Variants in RUNX1 observed in about 807,000 individuals in gnomAD.
RUNX1 encodes RUNX family transcription factor 1.
In RUNX1, 19 loss-of-function variants were observed where a neutral mutation model predicts 42.8. That is an observed-to-expected ratio of 0.44 (90% confidence interval 0.31 to 0.65). The LOEUF (loss-of-function observed/expected upper bound fraction) is 0.65, where lower values mean the gene tolerates loss of function less well. Among genes scored for constraint, RUNX1 ranks in the 30% least tolerant of loss-of-function variants. The pLI is 0.07. For synonymous variants in RUNX1, 271 were observed against 289.4 expected (o/e 0.94, Z 0.64); for missense variants, 528 against 672.0 (o/e 0.79, Z 2.37).
chr21:35,030,169 A>G (rs2059263195), intron 2 of RUNX1, among the ~76,000 whole-genome samples: 1 of 152,066 alleles, frequency 6.6e-6, no homozygotes, highest in Non-Finnish European at 1.5e-5. Flanking sequence ...CGGTGAAACC[A>G]TGTCTCTACT....
chr21:34,803,520 C>G (rs950896890), intron 7 of RUNX1, among the ~76,000 whole-genome samples: 1 of 151,378 alleles, frequency 6.6e-6, no homozygotes, highest in African/African-American at 2.4e-5. Context: ...GCACTCCAGC[C>G]TAGGTGACAG....
intron 5 of RUNX1, among the ~76,000 whole-genome samples, chr21:34,869,295 A>G (rs1323718534): frequency 6.6e-6 from 1 of 152,176 alleles, no homozygotes; most frequent in East Asian, 1.9e-4. Context: ...TCATCCTAAC[A>G]TAGATGATAT....
chr21:35,017,025 CA>C (rs1434271251), intron 2 of RUNX1, among the ~76,000 whole-genome samples: 1 of 138,312 alleles, frequency 7.2e-6, no homozygotes, highest in Non-Finnish European at 1.6e-5. Flanking sequence ...GGAAAAGAGG[CA>C]AAAATGGGAG....
intron 3 of RUNX1, chr21:34,887,470 C>G: frequency 7.9e-7 from 1 of 1,259,022 alleles, no homozygotes; most frequent in East Asian, 3.3e-5. Context: ...TTCTCATACA[C>G]TTCCTAAAAT....
intron 2 of RUNX1, among the ~76,000 whole-genome samples, chr21:34,998,158 T>C (rs1196865244): frequency 1.3e-5 from 2 of 152,192 alleles, no homozygotes; most frequent in Non-Finnish European, 2.9e-5. Context: ...CCTGTCAATA[T>C]TAATATCTTT....
chr21:34,887,084 C>A lies in RUNX1; in HGVS notation c.110G>T (p.Ser37Ile), dbSNP rs532264127. 1.9e-6 allele frequency: 3 copies of A among 1,598,344 alleles called. No individual in the cohort carries two copies. The Admixed American group carries it at 5.0e-5, about 27-fold the overall frequency. Reference sequence around the variant, plus strand: ...GGTGGAAGGCGGCGTGAAGCGGCGGCTCGTGCTGGCATCTACGGGGATACG... The same window carrying A: ...GGTGGAAGGCGGCGTGAAGCGGCGGATCGTGCTGGCATCTACGGGGATACG... ...PSRDVHDASTSRRFTPPSTAL... is the reference protein window; with the variant it reads ...PSRDVHDASTIRRFTPPSTAL... Residue 37 changes from serine to isoleucine, a missense_variant, in exon 4 of 9, where the codon AGC becomes ATC. Transcript: ENST00000675419.
intron 7 of RUNX1, chr21:34,833,558 C>G (rs540281279): frequency 2.0e-5 from 3 of 153,022 alleles, no homozygotes; most frequent in African/African-American, 7.2e-5. Flanking sequence ...GCTACCACAT[C>G]GATTGCTGGC....
intron 6 of RUNX1, among the ~76,000 whole-genome samples, chr21:34,849,358 AATATAT>A (rs2057373202): frequency 2.4e-5 from 1 of 41,554 alleles, no homozygotes; most frequent in Non-Finnish European, 4.5e-5. Flanking sequence ...TAGTATATAT[AATATAT>A]TATATATACT....
intron 6 of RUNX1, among the ~76,000 whole-genome samples, chr21:34,851,952 A>C (rs1395162342): frequency 6.6e-6 from 1 of 152,182 alleles, no homozygotes; most frequent in Non-Finnish European, 1.5e-5. Context: ...GGATCAGCTG[A>C]GGTCAGGAGA....
chr21:34,867,004 C>T (rs1455069850), intron 5 of RUNX1, among the ~76,000 whole-genome samples: 1 of 152,180 alleles, frequency 6.6e-6, no homozygotes, highest in Non-Finnish European at 1.5e-5. Context: ...ACATGCAAAG[C>T]ATTTTCTCTG....
At chr21:34,936,468 C>T (rs1180920660) in intron 2 of RUNX1, among the ~76,000 whole-genome samples, 2 of 152,338 alleles carry the variant, frequency 1.3e-5, no homozygotes, top group East Asian at 3.9e-4. Context: ...AACCCATCTC[C>T]TGTGTAACAG....
At chr21:34,860,875 G>T (rs2057564487) in intron 5 of RUNX1, among the ~76,000 whole-genome samples, 1 of 152,268 alleles carries the variant, frequency 6.6e-6, no homozygotes, top group South Asian at 2.1e-4. Flanking sequence ...CTAATCGTGA[G>T]AAATCTCCAC....
intron 6 of RUNX1, among the ~76,000 whole-genome samples, chr21:34,835,323 GA>G (rs2057129826): frequency 6.6e-6 from 1 of 152,190 alleles, no homozygotes; most frequent in Non-Finnish European, 1.5e-5. Context: ...ATTCCCAGCA[GA>G]ATAGGCCCAC....
chr21:34,955,556 A>C (rs534732837), intron 2 of RUNX1, among the ~76,000 whole-genome samples: 29 of 152,306 alleles, frequency 1.9e-4, no homozygotes, highest in African/African-American at 7.0e-4. Context: ...ATTTGACTTA[A>C]ACGGAAGACT....
intron 6 of RUNX1, among the ~76,000 whole-genome samples, chr21:34,839,359 A>G (rs949879048): frequency 3.3e-5 from 5 of 150,188 alleles, no homozygotes; most frequent in African/African-American, 9.9e-5. Context: ...ACCGACACAC[A>G]CACTCGGGAT....
chr21:35,001,148 T>A (rs1276990019), intron 2 of RUNX1, among the ~76,000 whole-genome samples: 1 of 152,136 alleles, frequency 6.6e-6, no homozygotes, highest in Non-Finnish European at 1.5e-5. Flanking sequence ...ACCGTCTCTA[T>A]AATTTTTTTT....
chr21:34,862,946 C>A (rs1030245643), intron 5 of RUNX1, among the ~76,000 whole-genome samples: 1 of 152,164 alleles, frequency 6.6e-6, no homozygotes, highest in Non-Finnish European at 1.5e-5. Flanking sequence ...ACGCTATCCA[C>A]GACTACCCAA....
rs762642960 is a variant in RUNX1 at position 34,799,322 on chromosome 21, C to G, written c.946G>C (p.Glu316Gln). Residue 316 changes from glutamate (E) to glutamine (Q), a missense_variant, in exon 8 of 9, where the codon GAA (glutamate) becomes CAA (glutamine). Around this residue, in one of 3 missense-constraint regions of RUNX1, gnomAD observed 331 missense variants for 382.5 expected, o/e 0.87. Transcript: ENST00000675419. Reference sequence around the variant, plus strand: ...TTACTTGAGAGTCGACTGGAAAGTTCTGCAGAGAGGGTTGTCATGCCGCTG... The same window carrying G: ...TTACTTGAGAGTCGACTGGAAAGTTGTGCAGAGAGGGTTGTCATGCCGCTG... ...RASGMTTLSA[E>Q]LSSRLSTAPD... is the part of the protein sequence containing the mutation. 6.2e-7 allele frequency: 1 copy of G among 1,613,918 alleles called. No individual in the cohort carries two copies. The highest frequency in any genetic ancestry group is 8.5e-7 in the Non-Finnish European group (1 of 1,179,870).
At chr21:34,891,597 A>G (rs907917946) in intron 3 of RUNX1, among the ~76,000 whole-genome samples, 1 of 152,118 alleles carries the variant, frequency 6.6e-6, no homozygotes, top group Admixed American at 6.5e-5. Flanking sequence ...GCGACAATAC[A>G]GAATTCCCCT....
Sources: allele counts gnomAD v4.1 joint callset (sites outside exome capture counted in the v4.1 genomes callset), GRCh38; gene constraint gnomAD v4.1.1; regional missense constraint gnomAD v4.1.1; transcripts MANE v1.5; gene names NCBI Gene and HGNC (gene_info 2026-07-23, HGNC 2026-07-21).